The following USP34 variants were observed in gnomAD, a reference collection of about 807,000 sequenced individuals.
USP34 encodes ubiquitin specific peptidase 34.
In USP34, 70 loss-of-function variants were observed where a neutral mutation model predicts 460.3. The observed-to-expected ratio is 0.15, with a 90% CI of 0.13 to 0.19. The LOEUF (loss-of-function observed/expected upper bound fraction) is 0.19. Among genes scored for constraint, USP34 ranks in the 10% least tolerant of loss-of-function variants. The pLI is 1.00. For missense variants in USP34, 3,985 were observed against 4,236.2 expected, an observed-to-expected ratio of 0.94 and a Z score of 1.65; for synonymous variants, 1,647 against 1,405.3, an observed-to-expected ratio of 1.17 and a Z score of -3.85.
At chr2:61,399,691 T>C (rs1693651138) in intron 3 of USP34, among the ~76,000 whole-genome samples, 1 of 151,704 alleles carries the variant, frequency 6.6e-6, no homozygotes, top group South Asian at 2.1e-4. Context: ...TCCAACACAG[T>C]GAAACCTCGT....
rs1329963577 is a variant in USP34, at chr2:61,360,470, G to A, written c.1252-9777C>T. 2.6e-5 allele frequency among the ~76,000 whole-genome samples: 4 copies of A among 152,150 alleles called. No individual in the cohort carries two copies. In the East Asian group the frequency reaches 7.7e-4, roughly 29 times the overall value. The stretch of plus-strand genomic sequence containing the variant: ...CAGCAACAAAAGTATTTTACAATAT[G>A]TAGAAATAAACTTAGCCAAAGAAGT... On this transcript the variant is annotated intron_variant, in intron 10 of 79. Coordinates refer to ENST00000398571, the MANE Select transcript of USP34 (RefSeq NM_014709.4).
intron 1 of USP34, among the ~76,000 whole-genome samples, chr2:61,466,783 G>A (rs971533981): frequency 2.6e-5 from 4 of 151,796 alleles, no homozygotes; most frequent in African/African-American, 9.7e-5. Flanking sequence ...AAGGAGGCGG[G>A]TGCCTGTAGT....
chr2:61,346,795 G>GCACTC (rs1373711455), intron 15 of USP34, among the ~76,000 whole-genome samples: 4 of 128,566 alleles, frequency 3.1e-5, no homozygotes, highest in African/African-American at 1.2e-4. Context: ...TTGTGCCACT[G>GCACTC]CACTCCAGCC....
Position 61,333,881 on chromosome 2 carries a change from C to G in USP34, c.2834+1G>C. 1 of 1,504,526 alleles carries G rather than the reference C, an allele frequency of 6.6e-7. No individual in the cohort carries two copies. The highest frequency in any genetic ancestry group is 1.4e-5 in the South Asian group (1 of 71,438). The allele number at this position is 1,504,526 out of a possible 1,614,324, so 93.2% of individuals were successfully genotyped here. On this transcript the variant is annotated splice_donor_variant, in intron 19 of 79. Coordinates refer to ENST00000398571, the MANE Select transcript of USP34 (RefSeq NM_014709.4). LOFTEE classifies it high-confidence loss of function. ...AATACTTTTTTCTTTTATTTACTTACATTGTTATCCAGTGTGTATCGTAAC... is the reference window on the plus strand; with the variant it reads ...AATACTTTTTTCTTTTATTTACTTAGATTGTTATCCAGTGTGTATCGTAAC...
At position 61,344,023 on chromosome 2, in the gene USP34, C is replaced by T. The variant is rs201610750; in HGVS notation, c.2292G>A (p.Met764Ile). ...HHHHHHHDGH[M>I]VDDMLSADDV... ...CATCTGCACTTAGCATATCATCAAC[C>T]ATATGCCTACAAAACAGAGAAAAGC... The change falls in exon 16 of 80, where the codon ATG (methionine) becomes ATA (isoleucine). Residue 764 changes from methionine to isoleucine, a missense_variant. Around this residue, in one of 14 missense-constraint regions of USP34, gnomAD observed 716 missense variants for 626.2 expected, o/e 1.14. Coordinates refer to ENST00000398571, the MANE Select transcript of USP34 (RefSeq NM_014709.4). 2 of 1,613,336 alleles carry T rather than the reference C, an allele frequency of 1.2e-6. No homozygotes were observed. Among genetic ancestry groups the T allele is most frequent in the Non-Finnish European group, 1.7e-6 (2 of 1,179,560 alleles).
At chr2:61,452,675 G>A (rs1034649854) in intron 1 of USP34, among the ~76,000 whole-genome samples, 3 of 151,730 alleles carry the variant, frequency 2.0e-5, no homozygotes, top group Non-Finnish European at 4.4e-5. Context: ...CTTGAAACCA[G>A]GAGTTCGAGA....
In USP34 at chr2:61,237,957, C is replaced by T. The variant is rs368824539; in HGVS notation, c.6778-1568G>A. Among the ~76,000 whole-genome samples, 7 of 151,834 alleles carry T rather than the reference C, an allele frequency of 4.6e-5. No individual in the cohort carries two copies. In the South Asian group the frequency reaches 6.2e-4, roughly 14 times the overall value. ...TGTTGCCCAGGCTGGAGTGCAATGG[C>T]GCGATCTCGGCTCACGGCAATCTCC... On this transcript the variant is annotated intron_variant, in intron 53 of 79. Coordinates refer to ENST00000398571, the MANE Select transcript of USP34 (RefSeq NM_014709.4).
intron 4 of USP34, 50 bp downstream of exon 4, chr2:61,395,133 G>C (rs771350733): frequency 1.4e-6 from 2 of 1,464,668 alleles, no homozygotes; most frequent in South Asian, 1.3e-5. Context: ...ATGAGGCTTT[G>C]TTAAAAAAAT....
intron 33 of USP34, among the ~76,000 whole-genome samples, chr2:61,291,034 C>A (rs192443524): frequency 6.6e-6 from 1 of 151,966 alleles, no homozygotes; most frequent in Non-Finnish European, 1.5e-5. Flanking sequence ...ACCCATAGAA[C>A]GGGAGAAAAT....
chr2:61,308,898 C>T (rs1037992643), intron 27 of USP34, among the ~76,000 whole-genome samples: 1 of 151,978 alleles, frequency 6.6e-6, no homozygotes, highest in Non-Finnish European at 1.5e-5. Flanking sequence ...AAAAATTACC[C>T]AGGGATGGTG....
intron 3 of USP34, among the ~76,000 whole-genome samples, chr2:61,403,412 G>A (rs1003602571): frequency 2.0e-5 from 3 of 151,964 alleles, no homozygotes; most frequent in Non-Finnish European, 4.4e-5. Flanking sequence ...AGTCCCTAAC[G>A]AAACTATTTT....
chr2:61,198,352 T>G (rs939935828), intron 75 of USP34, among the ~76,000 whole-genome samples: 2 of 152,224 alleles, frequency 1.3e-5, no homozygotes, highest in African/African-American at 4.8e-5. Flanking sequence ...AGGTGAACTA[T>G]GGTTTACTTA....
At chr2:61,266,255 C>T in intron 41 of USP34, 88 bp from the exon 42 acceptor site, 1 of 1,257,514 alleles carries the variant, frequency 8.0e-7, no homozygotes, top group Non-Finnish European at 1.1e-6. Context: ...TGACAGGCTA[C>T]AATTAAGCTA....
chr2:61,323,575 CTGGAGACTGAGGTGGGAGGATCACT>C (rs1690994049), intron 21 of USP34, among the ~76,000 whole-genome samples: 1 of 151,082 alleles, frequency 6.6e-6, no homozygotes, highest in African/African-American at 2.4e-5. Context: ...CCCAGCTACT[CTGGAGACTGAGGTGGGAGGATCACT>C]TGGAGGGCAG....
At chr2:61,443,731 C>T (rs976733908) in intron 1 of USP34, among the ~76,000 whole-genome samples, 15 of 152,112 alleles carry the variant, frequency 9.9e-5, no homozygotes, top group African/African-American at 2.4e-4. Context: ...CTACTTTGTA[C>T]GACACTGTAC....
chr2:61,461,174 T>C (rs1375365688), intron 1 of USP34, among the ~76,000 whole-genome samples: 1 of 151,750 alleles, frequency 6.6e-6, no homozygotes, highest in East Asian at 1.9e-4. Context: ...GTGGATGACT[T>C]GAGCTCAGGA....
rs886928419 is a variant in USP34, at chr2:61,223,395, G to T, written c.7596-99C>A. Reference sequence around the variant, plus strand: ...AAAAATTGTTGATTCAATTATAATTGTATTAACCTGCCATCATAAAATGAT... The same window carrying T: ...AAAAATTGTTGATTCAATTATAATTTTATTAACCTGCCATCATAAAATGAT... On this transcript the variant is annotated intron_variant, in intron 62 of 79. Coordinates refer to ENST00000398571, the MANE Select transcript of USP34 (RefSeq NM_014709.4). The T allele has an allele frequency of 3.0e-5, 35 of 1,161,266 alleles. No individual in the cohort carries two copies. The Middle Eastern group carries it at 1.1e-3, about 38-fold the overall frequency. The allele number at this position is 1,161,266 out of a possible 1,614,324, so 71.9% of individuals were successfully genotyped here. A position where few individuals can be genotyped will look rare whatever the true frequency, so the allele number is the denominator to read the frequency against.
intron 20 of USP34, among the ~76,000 whole-genome samples, chr2:61,328,642 C>T (rs568031676): frequency 4.6e-5 from 7 of 152,262 alleles, no homozygotes; most frequent in Admixed American, 3.9e-4. Flanking sequence ...TTCTAGTATA[C>T]CCTAAAAACA....
chr2:61,299,570 T>C (rs534179490), intron 29 of USP34, among the ~76,000 whole-genome samples: 69 of 151,968 alleles, frequency 4.5e-4, no homozygotes, highest in African/African-American at 1.5e-3. Context: ...CTGGGCAACA[T>C]AGAGAGACCA....
Sources: allele counts gnomAD v4.1 joint callset (sites outside exome capture counted in the v4.1 genomes callset), GRCh38; gene constraint gnomAD v4.1.1; regional missense constraint gnomAD v4.1.1; transcripts MANE v1.5; gene names NCBI Gene and HGNC (gene_info 2026-07-23, HGNC 2026-07-21).